Variants in CTNNA3 observed in about 807,000 individuals in gnomAD.
The protein encoded by CTNNA3 is catenin alpha 3.
A neutral mutation model predicts 95.7 loss-of-function variants in CTNNA3; 76 were observed. The observed-to-expected ratio is 0.79, with a 90% confidence interval of 0.66 to 0.96. The LOEUF (loss-of-function observed/expected upper bound fraction) is 0.96, where lower values mean the gene tolerates loss of function less well. CTNNA3 is among the 40% of genes least tolerant of loss of function. The probability of loss-of-function intolerance (pLI) is 0.00; values close to 1 mark genes in which losing one functional copy is unlikely to be tolerated. For missense variants in CTNNA3, 1,191 were observed against 1,089.8 expected (o/e 1.09, Z -1.31); for synonymous variants, 431 against 374.4 (o/e 1.15, Z -1.74).
chr10:66,130,427 T>G (rs1179279160), intron 13 of CTNNA3, among the ~76,000 whole-genome samples: 7 of 95,506 alleles, frequency 7.3e-5, no homozygotes, highest in African/African-American at 1.2e-4. Context: ...TCAGGATCTG[T>G]TTTTTTTTTT....
intron 5 of CTNNA3, among the ~76,000 whole-genome samples, chr10:67,446,864 G>C (rs1328325936): frequency 6.6e-6 from 1 of 152,128 alleles, no homozygotes. Context: ...CCAGCACTTT[G>C]GGAGACCAAG....
chr10:66,278,376 G>C (rs1297452353), intron 13 of CTNNA3, among the ~76,000 whole-genome samples: 1 of 151,614 alleles, frequency 6.6e-6, no homozygotes, highest in Non-Finnish European at 1.5e-5. Flanking sequence ...GAAGTTTGTT[G>C]AAAATTAAAT....
intron 1 of CTNNA3, among the ~76,000 whole-genome samples, chr10:67,706,565 T>C (rs911662995): frequency 6.6e-6 from 1 of 152,082 alleles, no homozygotes; most frequent in Non-Finnish European, 1.5e-5. Flanking sequence ...TCTTCCCCCA[T>C]TCCAAGTCCC....
chr10:66,978,388 G>A (rs897970471), intron 7 of CTNNA3, among the ~76,000 whole-genome samples: 19 of 151,176 alleles, frequency 1.3e-4, no homozygotes, highest in Non-Finnish European at 1.0e-4. Context: ...CTAGCTGGGC[G>A]TGGTGGTGGG....
chr10:67,716,942 T>C (rs929680639), intron 1 of CTNNA3, among the ~76,000 whole-genome samples: 13 of 152,202 alleles, frequency 8.5e-5, no homozygotes, highest in Admixed American at 6.5e-4. Flanking sequence ...CCACCAACAG[T>C]GTAAAGGCAT....
chr10:66,466,406 G>A (rs1025137396), intron 11 of CTNNA3, among the ~76,000 whole-genome samples: 7 of 147,710 alleles, frequency 4.7e-5, no homozygotes, highest in Admixed American at 6.8e-5. Flanking sequence ...GGAGAACTCC[G>A]ACCAATATAC....
intron 7 of CTNNA3, among the ~76,000 whole-genome samples, chr10:66,854,110 C>T (rs1046884653): frequency 1.3e-5 from 2 of 152,056 alleles, no homozygotes; most frequent in African/African-American, 4.8e-5. Context: ...TGGTCACTTA[C>T]TTCCTTGGCT....
rs1469089300 is a variant in CTNNA3, at chr10:65,915,150, T to C, written c.*5180A>G. 2 of 152,146 alleles carry C rather than the reference T, an allele frequency of 1.3e-5. No individual in the cohort carries two copies. The highest frequency in any genetic ancestry group is 1.5e-5 in the Non-Finnish European group (1 of 68,018). 9.4% of individuals were successfully genotyped at this position (152,146 alleles called of 1,614,324 possible). ...GTTTAACAAATAGCTGTTAAATATATGAACGTATGGTAACCCAGATTGGCT... is the reference window on the plus strand; with the variant it reads ...GTTTAACAAATAGCTGTTAAATATACGAACGTATGGTAACCCAGATTGGCT... On this transcript the variant is annotated 3_prime_UTR_variant, in exon 18 of 18. Coordinates refer to ENST00000433211, the MANE Select transcript of CTNNA3 (RefSeq NM_013266.4).
intron 9 of CTNNA3, among the ~76,000 whole-genome samples, chr10:66,729,177 T>A (rs1000710689): frequency 2.6e-5 from 4 of 152,184 alleles, no homozygotes; most frequent in Non-Finnish European, 5.9e-5. Flanking sequence ...AAGACATACA[T>A]GGAGCCAACA....
At chr10:65,929,117 CAT>C (rs1387143267) in intron 17 of CTNNA3, among the ~76,000 whole-genome samples, 1 of 150,386 alleles carries the variant, frequency 6.6e-6, no homozygotes, top group African/African-American at 2.5e-5. Flanking sequence ...TGAGTGAGAA[CAT>C]GTGGTGTTTG....
At chr10:66,085,441 T>C (rs554742809) in intron 14 of CTNNA3, among the ~76,000 whole-genome samples, 66 of 152,164 alleles carry the variant, frequency 4.3e-4, no homozygotes, top group Non-Finnish European at 8.8e-4. Context: ...GCAACTGTAA[T>C]AGATTACATC....
At position 66,980,040 on chromosome 10, in the gene CTNNA3, T is replaced by A. The variant is rs576495759; in HGVS notation, c.1047+200277A>T. 2.0e-5 allele frequency among the ~76,000 whole-genome samples: 3 copies of A among 152,308 alleles called. No individual in the cohort carries two copies. The South Asian group carries it at 6.2e-4, about 32-fold the overall frequency. On this transcript the variant is annotated intron_variant, in intron 7 of 17. Coordinates refer to ENST00000433211, the MANE Select transcript of CTNNA3 (RefSeq NM_013266.4). Reference sequence around the variant, plus strand: ...TGCATTGGCACTGGAGACACTTTTTTCCCTAAAATGTTTAGAGGCCTAGAA... The same window carrying A: ...TGCATTGGCACTGGAGACACTTTTTACCCTAAAATGTTTAGAGGCCTAGAA...
At chr10:66,794,230 C>A (rs1276833922) in intron 7 of CTNNA3, among the ~76,000 whole-genome samples, 5 of 152,204 alleles carry the variant, frequency 3.3e-5, no homozygotes, top group African/African-American at 1.2e-4. Context: ...CAACCACCAT[C>A]CTTTACATAA....
At chr10:66,558,474 G>C (rs563145738) in intron 10 of CTNNA3, among the ~76,000 whole-genome samples, 23 of 152,112 alleles carry the variant, frequency 1.5e-4, no homozygotes, top group Admixed American at 5.2e-4. Flanking sequence ...ATTCACTGAT[G>C]GCCTGCAGGA....
At chr10:67,053,573 C>A (rs1330358460) in intron 7 of CTNNA3, among the ~76,000 whole-genome samples, 1 of 152,154 alleles carries the variant, frequency 6.6e-6, no homozygotes. Flanking sequence ...ACACAAACAG[C>A]ATAAATTCTT....
intron 7 of CTNNA3, among the ~76,000 whole-genome samples, chr10:67,027,454 A>G (rs1031921466): frequency 4.5e-5 from 2 of 44,368 alleles, no homozygotes; most frequent in African/African-American, 1.3e-4. Context: ...TTTTTTTTTG[A>G]TACACAGTCT....
intron 7 of CTNNA3, among the ~76,000 whole-genome samples, chr10:67,002,671 C>T (rs1376709431): frequency 2.0e-5 from 3 of 152,032 alleles, no homozygotes; most frequent in Non-Finnish European, 2.9e-5. Flanking sequence ...AGGATGCCTA[C>T]TTGTTTATAA....
Position 66,490,500 on chromosome 10 carries a change from T to A in CTNNA3, c.1531+30117A>T, listed in dbSNP as rs147351501. On this transcript the variant is annotated intron_variant, in intron 11 of 17. Transcript: ENST00000433211. The stretch of plus-strand genomic sequence containing the variant: ...AGATAGTGTAAGCAATGCATGAGCT[T>A]ATTTTTCTATGATCTTATACAGGTT... 5.4e-3 allele frequency among the ~76,000 whole-genome samples: 825 copies of A among 152,322 alleles called. 9 individuals are homozygous for A. The highest frequency in any genetic ancestry group is 0.018 in the African/African-American group (768 of 41,578).
At chr10:67,310,096 A>C (rs1840724147) in intron 5 of CTNNA3, among the ~76,000 whole-genome samples, 1 of 152,226 alleles carries the variant, frequency 6.6e-6, no homozygotes, top group Admixed American at 6.5e-5. Flanking sequence ...GAGTGATAGA[A>C]GGGTTAAATA....
Sources: gnomAD v4.1 joint callset for allele counts (sites outside exome capture counted in the v4.1 genomes callset) on GRCh38, gnomAD v4.1.1 for gene constraint, MANE v1.5 for transcripts, NCBI Gene and HGNC (gene_info 2026-07-23, HGNC 2026-07-21) for gene names.